Variants in PHLPP1 observed in about 807,000 individuals in gnomAD.
PHLPP1 encodes the protein PH domain and leucine rich repeat protein phosphatase 1, also known as PH domain leucine-rich repeat-containing protein phosphatase 1.
In PHLPP1, 42 loss-of-function variants were observed where a neutral mutation model predicts 117.2. That is an observed-to-expected ratio of 0.36 (90% CI 0.28 to 0.46). The LOEUF is 0.46. PHLPP1 is among the 20% of genes least tolerant of loss of function. The pLI is 1.00. For synonymous variants in PHLPP1, 1,042 were observed against 970.7 expected (o/e 1.07, Z -1.37); for missense variants, 2,084 against 2,241.9 (o/e 0.93, Z 1.42).
intron 8 of PHLPP1, among the ~76,000 whole-genome samples, chr18:62,911,391 C>T (rs1916947657): frequency 3.1e-5 from 1 of 32,058 alleles, no homozygotes; most frequent in African/African-American, 1.2e-4. Flanking sequence ...AAAATTTTCG[C>T]AACCTACTCA....
intron 3 of PHLPP1, among the ~76,000 whole-genome samples, chr18:62,857,801 A>C (rs1915535917): frequency 6.6e-6 from 1 of 152,224 alleles, no homozygotes; most frequent in South Asian, 2.1e-4. Flanking sequence ...CATTCAGGGC[A>C]GAGACTGTGT....
rs1450151848 is a variant in PHLPP1, at chr18:62,836,482, AATAAAAAT to A, written c.1774-2300_1774-2293del. Among the ~76,000 whole-genome samples the A allele has an allele frequency of 2.6e-4, 27 of 103,604 alleles. 1 individual carries two copies. The East Asian group carries it at 3.1e-3, about 12-fold the overall frequency. 68.0% of individuals were successfully genotyped at this position (103,604 alleles called of 152,430 possible). A position where few individuals can be genotyped will look rare whatever the true frequency, so the allele number is the denominator to read the frequency against. The stretch of plus-strand genomic sequence containing the variant: ...AAATAAATAAATAAATAAATAAATA[AATAAAAAT>A]AAATTACTGGATTTTGATGCAACAT... On this transcript the variant is annotated intron_variant, in intron 2 of 16. Coordinates refer to ENST00000262719, the MANE Select transcript of PHLPP1 (RefSeq NM_194449.4).
At chr18:62,759,873 A>G in intron 1 of PHLPP1, among the ~76,000 whole-genome samples, 1 of 152,218 alleles carries the variant, frequency 6.6e-6, no homozygotes, top group East Asian at 1.9e-4. Flanking sequence ...TCTTTGGGAA[A>G]TAGAAAACTA....
At chr18:62,898,331 A>ACAC in intron 6 of PHLPP1, among the ~76,000 whole-genome samples, 1 of 152,276 alleles carries the variant, frequency 6.6e-6, no homozygotes, top group East Asian at 1.9e-4. Flanking sequence ...GCTGATAGCA[A>ACAC]CACCACCTCA....
intron 10 of PHLPP1, among the ~76,000 whole-genome samples, chr18:62,940,345 C>CTTTTT (rs1568168234): frequency 2.5e-5 from 2 of 79,102 alleles, no homozygotes; most frequent in Non-Finnish European, 2.7e-5. Flanking sequence ...GTTTCTTTTT[C>CTTTTT]TTTCTTTTCT....
chr18:62,850,261 A>G (rs748265093), intron 3 of PHLPP1, among the ~76,000 whole-genome samples: 122 of 151,150 alleles, frequency 8.1e-4, no homozygotes, highest in Non-Finnish European at 1.5e-3. Flanking sequence ...GGTGGCAGGC[A>G]CCTGTAATCC....
At chr18:62,765,991 G>C (rs35012209) in intron 1 of PHLPP1, among the ~76,000 whole-genome samples, 8,057 of 142,780 alleles carry the variant, frequency 0.056, 319 homozygotes, top group Middle Eastern at 0.089. Context: ...GAGCGAGAAG[G>C]GGGAGCTTGC....
intron 4 of PHLPP1, among the ~76,000 whole-genome samples, chr18:62,875,466 A>G (rs1257333645): frequency 1.3e-5 from 2 of 152,078 alleles, no homozygotes; most frequent in Non-Finnish European, 2.9e-5. Context: ...GAATAGCAGT[A>G]TGGCCTTAAC....
Position 62,913,031 on chromosome 18 carries a change from G to A in PHLPP1, c.2709-1882G>A, listed in dbSNP as rs73468198. 1.1e-3 allele frequency among the ~76,000 whole-genome samples: 163 copies of A among 152,300 alleles called. 1 individual carries two copies. Among genetic ancestry groups the A allele is most frequent in the African/African-American group, 3.7e-3 (155 of 41,558 alleles). On this transcript the variant is annotated intron_variant, in intron 8 of 16. Coordinates refer to ENST00000262719, the MANE Select transcript of PHLPP1 (RefSeq NM_194449.4). Reference sequence around the variant, plus strand: ...AAGTGAGACTGAATTGGAAACTCTTGTGTCATGCTTGTCTCTGAATTCTGC... The same window carrying A: ...AAGTGAGACTGAATTGGAAACTCTTATGTCATGCTTGTCTCTGAATTCTGC...
At chr18:62,875,249 C>T (rs779223528) in intron 4 of PHLPP1, among the ~76,000 whole-genome samples, 16 of 152,034 alleles carry the variant, frequency 1.1e-4, no homozygotes, top group African/African-American at 3.9e-4. Flanking sequence ...GCACCACGTC[C>T]GGCCTATAGA....
chr18:62,947,342 G>A (rs1233781826), intron 12 of PHLPP1, among the ~76,000 whole-genome samples: 2 of 152,206 alleles, frequency 1.3e-5, no homozygotes, highest in Non-Finnish European at 2.9e-5. Context: ...ATCAACACAT[G>A]CCCTCAATGT....
intron 10 of PHLPP1, among the ~76,000 whole-genome samples, chr18:62,922,190 G>A (rs1451481767): frequency 3.9e-5 from 6 of 152,152 alleles, no homozygotes; most frequent in African/African-American, 1.4e-4. Context: ...GGCTTGGAGT[G>A]CAGTGGTGTG....
At chr18:62,748,251 T>G (rs902338201) in intron 1 of PHLPP1, among the ~76,000 whole-genome samples, 1 of 151,588 alleles carries the variant, frequency 6.6e-6, no homozygotes, top group East Asian at 1.9e-4. Flanking sequence ...TTTTTTGTTT[T>G]TTTTTTTTTT....
chr18:62,893,977 A>T (rs1238609195), intron 4 of PHLPP1, among the ~76,000 whole-genome samples: 1 of 152,210 alleles, frequency 6.6e-6, no homozygotes. Context: ...TAGGACTGAG[A>T]TAATTGCTCA....
rs554920472 is a variant in PHLPP1 at position 62,899,769 on chromosome 18, A to C, written c.2445-3195A>C. ...ATTAGAGCCTTGATCTCCTGGACTT[A>C]AGTGATCCCCCTCCCTCAGCCTCCT... is the stretch of plus-strand genomic sequence containing the variant. On this transcript the variant is annotated intron_variant, in intron 6 of 16. Transcript: ENST00000262719. Among the ~76,000 whole-genome samples the C allele has an allele frequency of 2.0e-5, 3 of 152,302 alleles. No homozygotes were observed. In the East Asian group the frequency reaches 5.8e-4, roughly 29 times the overall value.
At position 62,717,277 on chromosome 18, in the gene PHLPP1, C is replaced by T. The variant is rs1368928757; in HGVS notation, c.1576+18C>T. On this transcript the variant is annotated intron_variant, in intron 1 of 16. Transcript: ENST00000262719. The stretch of plus-strand genomic sequence containing the variant: ...CTATGCAGGTAAGGAAGTCACCTGC[C>T]TTGACGGGTGGTTGCAAAAGCTGCC... 5 of 1,542,486 alleles carry T rather than the reference C, an allele frequency of 3.2e-6. No homozygotes were observed. Among genetic ancestry groups the T allele is most frequent in the Admixed American group, 2.0e-5 (1 of 51,226 alleles).
chr18:62,774,392 A>G (rs1912888136), intron 1 of PHLPP1, among the ~76,000 whole-genome samples: 1 of 152,020 alleles, frequency 6.6e-6, no homozygotes, highest in African/African-American at 2.4e-5. Context: ...TGGGTTTTTG[A>G]CCTTGGGAAG....
chr18:62,741,435 G>A (rs1362674200), intron 1 of PHLPP1, among the ~76,000 whole-genome samples: 1 of 152,136 alleles, frequency 6.6e-6, no homozygotes, highest in African/African-American at 2.4e-5. Flanking sequence ...GTGCTTTGAA[G>A]GCTGGGGGAA....
intron 1 of PHLPP1, among the ~76,000 whole-genome samples, chr18:62,730,346 T>TA (rs1325380168): frequency 6.6e-6 from 1 of 152,186 alleles, no homozygotes; most frequent in Admixed American, 6.5e-5. Flanking sequence ...TACTAGTTCT[T>TA]ACACACCATC....
Sources: gnomAD v4.1 joint callset for allele counts (sites outside exome capture counted in the v4.1 genomes callset) on GRCh38, gnomAD v4.1.1 for gene constraint, MANE v1.5 for transcripts, NCBI Gene and HGNC (gene_info 2026-07-23, HGNC 2026-07-21) for gene names.